The following ZNF536 variants were observed in gnomAD, a reference collection of about 807,000 sequenced individuals.
The protein encoded by ZNF536 is zinc finger protein 536.
Under a neutral mutation model 84.5 loss-of-function variants are expected in ZNF536, and 13 were observed. The observed-to-expected ratio is 0.15, with a 90% CI of 0.10 to 0.24. ZNF536 has a LOEUF of 0.24. Ranked by LOEUF, ZNF536 falls within the 10% of genes least tolerant of loss-of-function variation. The probability of loss-of-function intolerance (pLI) is 1.00; values close to 1 mark genes in which losing one functional copy is unlikely to be tolerated. For missense variants in ZNF536, 1,536 were observed against 1,747.5 expected (o/e 0.88, Z 2.16); for synonymous variants, 811 against 742.5 (o/e 1.09, Z -1.50).
chr19:30,556,985 A>C (rs1278830581), intron 4 of ZNF536, 172 bp from the exon 5 acceptor site: 1 of 665,446 alleles, frequency 1.5e-6, no homozygotes, highest in Non-Finnish European at 2.7e-6. Context: ...TGCCCTAATC[A>C]TGTTGACTAT....
At chr19:30,475,176 G>A (rs1479421820) in intron 2 of ZNF536, among the ~76,000 whole-genome samples, 1 of 152,084 alleles carries the variant, frequency 6.6e-6, no homozygotes, top group African/African-American at 2.4e-5. Context: ...CGTCTCCCAG[G>A]TTCAAGCGAT....
intron 2 of ZNF536, among the ~76,000 whole-genome samples, chr19:30,477,158 C>T (rs544526178): frequency 6.6e-6 from 1 of 152,288 alleles, no homozygotes; most frequent in African/African-American, 2.4e-5. Context: ...CAAAGCTCAT[C>T]TTGGTTGTGC....
rs1482745445 is a variant in ZNF536, at chr19:30,339,681, G to C, written c.-119-12687G>C. Among the ~76,000 whole-genome samples the C allele has an allele frequency of 2.6e-5, 4 of 152,288 alleles. No homozygotes were observed. In the East Asian group the frequency reaches 5.8e-4, roughly 22 times the overall value. Reference sequence around the variant, plus strand: ...TGCCCTCTGGGGGCTGGAGGTTGGTGACATTGCCAAATCTCTGCACCATAG... The same window carrying C: ...TGCCCTCTGGGGGCTGGAGGTTGGTCACATTGCCAAATCTCTGCACCATAG... On this transcript the variant is annotated intron_variant, in intron 2 of 5. Transcript: ENST00000585628.
In ZNF536 at chr19:30,236,529, C is replaced by T. The variant is rs926002065; in HGVS notation, c.-190+7856C>T. The stretch of plus-strand genomic sequence containing the variant: ...GAAAAAGCTTTTGTTAAAGTTGGGG[C>T]GGGGGGGGGGTACAATTGGAATTTT... On this transcript the variant is annotated intron_variant, in intron 1 of 5. Coordinates refer to the ZNF536 transcript ENST00000585628. Among the ~76,000 whole-genome samples, 65 of 117,686 alleles carry T rather than the reference C, an allele frequency of 5.5e-4. No individual in the cohort carries two copies. The East Asian group carries it at 0.011, about 20-fold the overall frequency. The allele number at this position is 117,686 out of a possible 152,430, so 77.2% of individuals were successfully genotyped here.
intron 1 of ZNF536, among the ~76,000 whole-genome samples, chr19:30,622,541 G>A (rs1012727693): frequency 1.8e-4 from 28 of 152,184 alleles, no homozygotes; most frequent in Admixed American, 1.8e-3. Context: ...AATAGACAGC[G>A]TCACTTTCAC....
intron 1 of ZNF536, among the ~76,000 whole-genome samples, chr19:30,657,620 C>T (rs2049964324): frequency 6.6e-6 from 1 of 152,238 alleles, no homozygotes; most frequent in Admixed American, 6.5e-5. Flanking sequence ...CTCATCCTTC[C>T]TTGCAGATTT....
intron 1 of ZNF536, among the ~76,000 whole-genome samples, chr19:30,260,629 G>C (rs748400902): frequency 7.9e-5 from 12 of 152,246 alleles, no homozygotes; most frequent in Non-Finnish European, 1.3e-4. Flanking sequence ...TTGGCCACTT[G>C]CTGTGCTGCC....
At chr19:30,564,464 A>G (rs557165089) in intron 1 of ZNF536, among the ~76,000 whole-genome samples, 1 of 152,166 alleles carries the variant, frequency 6.6e-6, no homozygotes, top group East Asian at 1.9e-4. Context: ...CTGGCAGGGA[A>G]CCTTTTCCGA....
At chr19:30,384,306 C>T (rs1301482547) in intron 1 of ZNF536, among the ~76,000 whole-genome samples, 1 of 6,232 alleles carries the variant, frequency 1.6e-4, no homozygotes, top group Non-Finnish European at 3.8e-4. Context: ...TTCCCCTCCC[C>T]TCCCCTCCCT....
At chr19:30,617,443 C>T (rs576966882) in intron 1 of ZNF536, among the ~76,000 whole-genome samples, 13 of 146,510 alleles carry the variant, frequency 8.9e-5, no homozygotes, top group East Asian at 8.3e-4. Flanking sequence ...CTCCACCTGC[C>T]GGGTTCACAC....
At chr19:30,469,813 G>A (rs2053560036) in intron 2 of ZNF536, among the ~76,000 whole-genome samples, 1 of 152,076 alleles carries the variant, frequency 6.6e-6, no homozygotes, top group African/African-American at 2.4e-5. Context: ...GAGGTGGATG[G>A]TGCCTGTCCT....
At chr19:30,521,434 C>T (rs2044316256) in intron 2 of ZNF536, among the ~76,000 whole-genome samples, 1 of 152,184 alleles carries the variant, frequency 6.6e-6, no homozygotes, top group Admixed American at 6.5e-5. Context: ...TTTCTTTGGA[C>T]CAGTCTATGG....
chr19:30,269,322 T>G (rs973890572), intron 1 of ZNF536, among the ~76,000 whole-genome samples: 2 of 152,052 alleles, frequency 1.3e-5, no homozygotes, highest in Non-Finnish European at 2.9e-5. Context: ...CAAGGTTTGG[T>G]GGAGACAGTG....
chr19:30,295,739 G>T (rs1442703694), intron 2 of ZNF536, among the ~76,000 whole-genome samples: 1 of 152,156 alleles, frequency 6.6e-6, no homozygotes, highest in African/African-American at 2.4e-5. Flanking sequence ...TGAAAAAAAT[G>T]TGGGTAGAAA....
chr19:30,235,619 C>A (rs112210277), intron 1 of ZNF536, among the ~76,000 whole-genome samples: 1,649 of 152,286 alleles, frequency 0.011, 24 homozygotes, highest in African/African-American at 0.037. Context: ...TCTAGAAACA[C>A]TTATCCCTTA....
At chr19:30,345,097 C>T (rs2047698303) in intron 2 of ZNF536, among the ~76,000 whole-genome samples, 1 of 152,230 alleles carries the variant, frequency 6.6e-6, no homozygotes, top group South Asian at 2.1e-4. Context: ...TCATGATCTC[C>T]TTTAGTTTAA....
In ZNF536 at chr19:30,548,100, C is replaced by G. The variant is rs1246889055; in HGVS notation, c.2481C>G (p.Ser827Arg). The G allele has an allele frequency of 2.5e-6, 4 of 1,614,128 alleles. No homozygotes were observed. The highest frequency in any genetic ancestry group is 2.5e-6 in the Non-Finnish European group (3 of 1,179,988). The stretch of plus-strand genomic sequence containing the variant: ...AAGACCACAAGGATGAGATGTCAAG[C>G]AAAGCTTCTCTGTTCATCAGGCCAG... ...PNQDHKDEMS[S>R]KASLFIRPDI... The change falls in exon 4 of 5, where the codon AGC becomes AGG. Residue 827 changes from serine to arginine, a missense_variant. Transcript: ENST00000355537.
rs73547286 is a variant in ZNF536, at chr19:30,274,957, A to G, written c.-189-9115A>G. On this transcript the variant is annotated intron_variant, in intron 1 of 5. Coordinates refer to the ZNF536 transcript ENST00000585628. Reference sequence around the variant, plus strand: ...TTGAGTTCATGTGGTGATACACTCTATTAGAAAGCCTTTATAATTTTCTGG... The same window carrying G: ...TTGAGTTCATGTGGTGATACACTCTGTTAGAAAGCCTTTATAATTTTCTGG... Among the ~76,000 whole-genome samples the G allele has an allele frequency of 6.3e-3, 952 of 152,320 alleles. 12 individuals carry two copies. Among genetic ancestry groups the G allele is most frequent in the African/African-American group, 0.022 (915 of 41,566 alleles).
intron 1 of ZNF536, among the ~76,000 whole-genome samples, chr19:30,258,226 C>A (rs951514712): frequency 1.4e-4 from 21 of 152,176 alleles, no homozygotes; most frequent in Non-Finnish European, 2.5e-4. Flanking sequence ...CCTACACAAC[C>A]TACAAAACCA....
Sources: allele counts gnomAD v4.1 joint callset (sites outside exome capture counted in the v4.1 genomes callset), GRCh38; gene constraint gnomAD v4.1.1; transcripts MANE v1.5; gene names NCBI Gene and HGNC (gene_info 2026-07-23, HGNC 2026-07-21).